CHAT: variants seen among roughly 807,000 people sequenced by gnomAD.
CHAT encodes the protein acetyl CoA:choline O-acetyltransferase.
A neutral mutation model predicts 76.9 loss-of-function variants in CHAT; 61 were observed. That is an observed-to-expected ratio of 0.79 (90% confidence interval 0.65 to 0.98). CHAT has a LOEUF of 0.98. Among genes scored for constraint, CHAT ranks in the 50% least tolerant of loss-of-function variants. The pLI is 0.00. For synonymous variants in CHAT, 407 were observed against 397.4 expected, an observed-to-expected ratio of 1.02 and a Z score of -0.29; for missense variants, 946 against 986.9, an observed-to-expected ratio of 0.96 and a Z score of 0.56.
rs1839395840 is a variant in CHAT at position 49,639,238 on chromosome 10, A to G, written c.1112-7267A>G. 2.6e-5 allele frequency among the ~76,000 whole-genome samples: 4 copies of G among 152,154 alleles called. No homozygotes were observed. The South Asian group carries it at 8.3e-4, about 32-fold the overall frequency. On this transcript the variant is annotated intron_variant, in intron 7 of 14. Coordinates refer to ENST00000337653, the MANE Select transcript of CHAT (RefSeq NM_020549.5). ...GTGACAGAGCGAGACTCCATTTCAA[A>G]ACACCAAAACCAAAAACAAACAAAC...
chr10:49,649,803 C>T lies in CHAT; in HGVS notation c.1511+167C>T, dbSNP rs3793797. On this transcript the variant is annotated intron_variant, in intron 10 of 14. Coordinates refer to ENST00000337653, the MANE Select transcript of CHAT (RefSeq NM_020549.5). ...ATGTAGTCAAATTAAAGGAGAGATA[C>T]AACTCTGGGGAAATAACCTTGCTGA... is the stretch of plus-strand genomic sequence containing the variant. 0.82 allele frequency among the ~76,000 whole-genome samples: 124,513 copies of T among 151,318 alleles called. 51,371 individuals are homozygous for T. The highest frequency in any genetic ancestry group is 0.9 in the Middle Eastern group (263 of 292).
chr10:49,643,287 A>C lies in CHAT; in HGVS notation c.1112-3218A>C, dbSNP rs568107742. On this transcript the variant is annotated intron_variant, in intron 7 of 14. Coordinates refer to ENST00000337653, the MANE Select transcript of CHAT (RefSeq NM_020549.5). The stretch of plus-strand genomic sequence containing the variant: ...CTAAATCCTGCATGCCCTCACCCAT[A>C]AGCTGGAGGTCAAGCCGATCACTCA... 2.0e-5 allele frequency among the ~76,000 whole-genome samples: 3 copies of C among 152,290 alleles called. No individual in the cohort carries two copies. In the East Asian group the frequency reaches 5.8e-4, roughly 29 times the overall value.
intron 11 of CHAT, among the ~76,000 whole-genome samples, chr10:49,652,925 C>G (rs1009674505): frequency 6.6e-6 from 1 of 152,136 alleles, no homozygotes; most frequent in African/African-American, 2.4e-5. Flanking sequence ...TTTCCCCACC[C>G]CCTTATCTAA....
chr10:49,611,414 G>A, upstream of CHAT: 1 of 1,597,950 alleles, frequency 6.3e-7, no homozygotes, highest in Non-Finnish European at 8.5e-7. Context: ...AGCTTCGGAA[G>A]CCTAGTGGCC....
intron 7 of CHAT, among the ~76,000 whole-genome samples, chr10:49,646,283 C>G (rs542308960): frequency 6.6e-6 from 1 of 152,208 alleles, no homozygotes; most frequent in Admixed American, 6.5e-5. Context: ...AGGGACCGTG[C>G]GAATGAGCTG....
intron 7 of CHAT, among the ~76,000 whole-genome samples, chr10:49,645,324 C>G (rs888436529): frequency 6.6e-6 from 1 of 152,182 alleles, no homozygotes; most frequent in Admixed American, 6.5e-5. Flanking sequence ...ATCCAGCCCC[C>G]AAGGTCAGGC....
intron 7 of CHAT, among the ~76,000 whole-genome samples, chr10:49,631,176 A>G (rs1417695492): frequency 6.6e-6 from 1 of 152,184 alleles, no homozygotes; most frequent in African/African-American, 2.4e-5. Context: ...AGTGTGTTCA[A>G]GTCTGCTCAG....
chr10:49,611,440 A>T, upstream of CHAT: 1 of 1,598,176 alleles, frequency 6.3e-7, no homozygotes, highest in Admixed American at 1.7e-5. Flanking sequence ...CTTCGGGGGC[A>T]TCCTCTATGA....
intron 14 of CHAT, 124 bp downstream of exon 14, chr10:49,662,906 A>G (rs1195327886): frequency 8.3e-7 from 1 of 1,200,486 alleles, no homozygotes; most frequent in African/African-American, 1.5e-5. Context: ...GAACTATGTG[A>G]TCTTCAGCAA....
chr10:49,637,111 T>G (rs1405263727), intron 7 of CHAT, among the ~76,000 whole-genome samples: 2 of 152,080 alleles, frequency 1.3e-5, no homozygotes, highest in African/African-American at 4.8e-5. Context: ...TTTTGTTGAT[T>G]TTTTTTCCTG....
At chr10:49,631,496 G>A (rs1023368865) in intron 7 of CHAT, among the ~76,000 whole-genome samples, 10 of 152,196 alleles carry the variant, frequency 6.6e-5, no homozygotes, top group African/African-American at 2.4e-4. Context: ...CTGGGAGTTA[G>A]GACTTCAACA....
At chr10:49,649,820 C>G (rs1015871386) in intron 10 of CHAT, among the ~76,000 whole-genome samples, 184 bp downstream of exon 10, 1 of 151,054 alleles carries the variant, frequency 6.6e-6, no homozygotes, top group Non-Finnish European at 1.5e-5. Flanking sequence ...GGGGAAATAA[C>G]CTTGCTGAAG....
intron 7 of CHAT, among the ~76,000 whole-genome samples, chr10:49,631,038 C>T (rs1394196247): frequency 2.6e-5 from 4 of 152,174 alleles, no homozygotes; most frequent in East Asian, 1.9e-4. Context: ...GGCTAATTAA[C>T]ATTGTTATGT....
chr10:49,634,270 G>T (rs561117182), intron 7 of CHAT, among the ~76,000 whole-genome samples: 9 of 152,324 alleles, frequency 5.9e-5, no homozygotes, highest in Admixed American at 5.2e-4. Flanking sequence ...TCTATATGAA[G>T]ATAGCAGTCT....
chr10:49,656,543 G>C (rs1840042324), intron 13 of CHAT, among the ~76,000 whole-genome samples: 1 of 152,144 alleles, frequency 6.6e-6, no homozygotes, highest in Non-Finnish European at 1.5e-5. Context: ...GGTGCTTCCT[G>C]TGAGCCACAA....
intron 8 of CHAT, among the ~76,000 whole-genome samples, chr10:49,647,700 C>T (rs558403975): frequency 6.6e-6 from 1 of 152,310 alleles, no homozygotes; most frequent in Non-Finnish European, 1.5e-5. Flanking sequence ...TGCACAGAAT[C>T]TGGAACTCAG....
At chr10:49,629,826 A>C (rs551105466) in intron 7 of CHAT, among the ~76,000 whole-genome samples, 5 of 152,372 alleles carry the variant, frequency 3.3e-5, no homozygotes, top group African/African-American at 1.2e-4. Flanking sequence ...CCCCCTCCCC[A>C]GAGCAGCCCT....
In CHAT at chr10:49,665,732, GA is replaced by G. The variant is rs896587601; in HGVS notation, c.*695del. Among the ~76,000 whole-genome samples, 3 of 151,414 alleles carry G rather than the reference GA, an allele frequency of 2.0e-5. No individual in the cohort carries two copies. Among genetic ancestry groups the G allele is most frequent in the East Asian group, 1.9e-4 (1 of 5,136 alleles). On this transcript the variant is annotated 3_prime_UTR_variant, in exon 15 of 15. Transcript: ENST00000337653. Reference sequence around the variant, plus strand: ...AAATTGTGTCCAGCTATTCTGAAAGGAAAAAAAAATTTATCTGTGACTGCCC... The same window carrying G: ...AAATTGTGTCCAGCTATTCTGAAAGGAAAAAAAATTTATCTGTGACTGCCC...
chr10:49,641,273 C>T (rs1839472142), intron 7 of CHAT, among the ~76,000 whole-genome samples: 1 of 152,224 alleles, frequency 6.6e-6, no homozygotes. Flanking sequence ...GGACACAATT[C>T]AGTCCGTAAT....
Sources: allele counts gnomAD v4.1 joint callset (sites outside exome capture counted in the v4.1 genomes callset), GRCh38; gene constraint gnomAD v4.1.1; transcripts MANE v1.5; gene names NCBI Gene and HGNC (gene_info 2026-07-23, HGNC 2026-07-21).